TBRG1: variants seen among roughly 807,000 people sequenced by gnomAD.
The protein encoded by TBRG1 is transforming growth factor beta regulator 1, also known as nuclear interactor of ARF and MDM2.
TBRG1 carries 31 observed loss-of-function variants against 44.0 expected under a neutral mutation model. The ratio of observed to expected loss-of-function variants is 0.70; its 90% CI spans 0.53 to 0.95. The LOEUF (loss-of-function observed/expected upper bound fraction) is 0.95. TBRG1 is among the 40% of genes least tolerant of loss of function. The pLI is 0.00. For synonymous variants in TBRG1, 171 were observed against 188.1 expected, an observed-to-expected ratio of 0.91 and a Z score of 0.74; for missense variants, 487 against 496.1, an observed-to-expected ratio of 0.98 and a Z score of 0.18.
chr11:124,627,596 T>C (rs1942501662), intron 5 of TBRG1, among the ~76,000 whole-genome samples: 1 of 152,062 alleles, frequency 6.6e-6, no homozygotes, highest in Non-Finnish European at 1.5e-5. Context: ...ATTTTCGGAG[T>C]TCTAAGCTTC....
chr11:124,624,820 T>G (rs950041063), intron 1 of TBRG1, 111 bp from the exon 2 acceptor site: 1 of 728,626 alleles, frequency 1.4e-6, no homozygotes, highest in Non-Finnish European at 2.3e-6. Flanking sequence ...AATAGCTCCT[T>G]CTTCTCAGTA....
At chr11:124,623,550 C>G (rs1942389814) in intron 1 of TBRG1, 1 of 409,436 alleles carries the variant, frequency 2.4e-6, no homozygotes, top group Non-Finnish European at 4.7e-6. Context: ...GTTTGATTCT[C>G]GAGATACAGC....
chr11:124,623,018 C>T lies in TBRG1; in HGVS notation c.-66C>T, dbSNP rs1042797248. On this transcript the variant is annotated 5_prime_UTR_variant, in exon 1 of 9. Transcript: ENST00000441174. ...CCGGAACAGACAAAGCCAGCGCTCC[C>T]GCCCGCTCCCCGACTTAGGATCCGA... 12 of 1,457,802 alleles carry T rather than the reference C, an allele frequency of 8.2e-6. No homozygotes were observed. In the East Asian group the frequency reaches 1.7e-4, roughly 21 times the overall value. 90.3% of individuals were successfully genotyped at this position (1,457,802 alleles called of 1,614,324 possible).
Position 124,623,190 on chromosome 11 carries a change from T to C in TBRG1, c.107T>C (p.Leu36Pro). 6.4e-7 allele frequency: 1 copy of C among 1,551,696 alleles called. No homozygotes were observed. Among genetic ancestry groups the C allele is most frequent in the Non-Finnish European group, 8.7e-7 (1 of 1,147,004 alleles). ...AAGAGCCAGAATGAGAAGTACCGGCTGAAGTACCTGCGGCTGCGCAAAGCG... is the reference window on the plus strand; with the variant it reads ...AAGAGCCAGAATGAGAAGTACCGGCCGAAGTACCTGCGGCTGCGCAAAGCG... ...PKKSQNEKYRLKYLRLRKAAK... is the reference protein window; with the variant it reads ...PKKSQNEKYRPKYLRLRKAAK... Residue 36 changes from leucine to proline, a missense_variant, in exon 1 of 9, where the codon CTG becomes CCG. Leu to Pro is a moderately conservative substitution (Grantham distance 98, BLOSUM62 -3). Transcript: ENST00000441174.
At chr11:124,623,286 T>C in intron 1 of TBRG1, 53 bp downstream of exon 1, 2 of 1,545,544 alleles carry the variant, frequency 1.3e-6, no homozygotes, top group Non-Finnish European at 1.8e-6. Flanking sequence ...CCTCACAAAA[T>C]CTTTCCCCAA....
rs1942716370 is a variant in TBRG1, at chr11:124,635,692, A to AT, written c.*3459dup. ...AGTGATGCTTTTTGCTTTAGTTCTC[A>AT]TTTTTCACATTAAGGGGAGGAAAGC... On this transcript the variant is annotated 3_prime_UTR_variant, in exon 9 of 9. Transcript: ENST00000441174. 6.6e-6 allele frequency: 1 copy of AT among 152,164 alleles called. No homozygotes were observed. The highest frequency in any genetic ancestry group is 1.5e-5 in the Non-Finnish European group (1 of 68,022). The allele number at this position is 152,164 out of a possible 1,614,324, so 9.4% of individuals were successfully genotyped here.
Position 124,632,447 on chromosome 11 carries a change from C to T in TBRG1, c.*209C>T, listed in dbSNP as rs1565402741. The T allele has an allele frequency of 2.2e-6, 1 of 448,600 alleles. No individual in the cohort carries two copies. The highest frequency in any genetic ancestry group is 4.0e-6 in the Non-Finnish European group (1 of 251,736). The allele number at this position is 448,600 out of a possible 1,614,324, so 27.8% of individuals were successfully genotyped here. On this transcript the variant is annotated 3_prime_UTR_variant, in exon 9 of 9. Coordinates refer to ENST00000441174, the MANE Select transcript of TBRG1 (RefSeq NM_032811.3). ...AAATTTCTCTTGTCAATTCTGTTTACTTTCATCTTGTAATCGGGATGTAAT... is the reference window on the plus strand; with the variant it reads ...AAATTTCTCTTGTCAATTCTGTTTATTTTCATCTTGTAATCGGGATGTAAT...
At chr11:124,628,009 G>A (rs1314576696) in intron 5 of TBRG1, among the ~76,000 whole-genome samples, 3 of 145,888 alleles carry the variant, frequency 2.1e-5, no homozygotes, top group Non-Finnish European at 4.5e-5. Flanking sequence ...ATTTTTAGGT[G>A]TGTGAGCTAG....
intron 8 of TBRG1, 147 bp downstream of exon 8, chr11:124,631,564 G>C: frequency 3.5e-6 from 3 of 867,494 alleles, no homozygotes; most frequent in Non-Finnish European, 5.5e-6. Flanking sequence ...CTGAGTTAGA[G>C]GGGGACCTGC....
chr11:124,626,946 T>C lies in TBRG1; in HGVS notation c.634T>C (p.Tyr212His), dbSNP rs751896292. 4 of 1,605,118 alleles carry C rather than the reference T, an allele frequency of 2.5e-6. No homozygotes were observed. The highest frequency in any genetic ancestry group is 3.4e-6 in the Non-Finnish European group (4 of 1,175,276). ...TGGCTTTCATGATGAGAGTGCCATCTACCCCGTGGGCTATTGCAGTACTCG... is the reference window on the plus strand; with the variant it reads ...TGGCTTTCATGATGAGAGTGCCATCCACCCCGTGGGCTATTGCAGTACTCG... ...RPGFHDESAI[Y>H]PVGYCSTRIY... Residue 212 changes from tyrosine (Y) to histidine (H), a missense_variant, in exon 5 of 9, where the codon TAC (tyrosine) becomes CAC (histidine). Physicochemically the swap from Tyr to His is moderately conservative, Grantham distance 83 (BLOSUM62 2). Transcript: ENST00000441174.
intron 1 of TBRG1, among the ~76,000 whole-genome samples, chr11:124,624,669 T>C (rs1293661928): frequency 2.0e-5 from 3 of 152,236 alleles, no homozygotes; most frequent in African/African-American, 7.2e-5. Context: ...CACCGTATTG[T>C]TCTGGCATAA....
At position 124,635,475 on chromosome 11, in the gene TBRG1, A is replaced by G. The variant is rs1942709026; in HGVS notation, c.*3237A>G. On this transcript the variant is annotated 3_prime_UTR_variant, in exon 9 of 9. Coordinates refer to ENST00000441174, the MANE Select transcript of TBRG1 (RefSeq NM_032811.3). ...AGAACTAAAGCAAAAACCATCATTC[A>G]CCCTACAGAGTATTATAAATTTCAT... 6.6e-6 allele frequency: 1 copy of G among 152,178 alleles called. No homozygotes were observed. Among genetic ancestry groups the G allele is most frequent in the African/African-American group, 2.4e-5 (1 of 41,426 alleles). 9.4% of individuals were successfully genotyped at this position (152,178 alleles called of 1,614,324 possible). A position where few individuals can be genotyped will look rare whatever the true frequency, so the allele number is the denominator to read the frequency against.
chr11:124,631,902 C>A (rs1942622306), intron 8 of TBRG1, 191 bp from the exon 9 acceptor site: 1 of 573,916 alleles, frequency 1.7e-6, no homozygotes. Context: ...CTATATAACC[C>A]TAGGCAAGTC....
Position 124,625,868 on chromosome 11 carries a change from AAAAAG to A in TBRG1, c.424_428del (p.Glu142ArgfsTer51). On this transcript the variant is annotated frameshift_variant, in exon 3 of 9. Coordinates refer to ENST00000441174, the MANE Select transcript of TBRG1 (RefSeq NM_032811.3). LOFTEE classifies it high-confidence loss of function. ...TTTGGGAAGAAAACTAAGAAGGAGA[AAAAAG>A]AAAAAGGCAAAGAGAACAACAAACT... 6.3e-7 allele frequency: 1 copy of A among 1,577,152 alleles called. No homozygotes were observed. The highest frequency in any genetic ancestry group is 8.6e-7 in the Non-Finnish European group (1 of 1,164,068).
chr11:124,630,680 T>C (rs1000090925), intron 6 of TBRG1, 65 bp from the exon 7 acceptor site: 10 of 1,228,120 alleles, frequency 8.1e-6, no homozygotes, highest in African/African-American at 3.0e-5. Context: ...ACCACTATTC[T>C]GTTCTTAAAT....
In TBRG1 at chr11:124,630,785, T is replaced by C; in HGVS notation, c.877T>C (p.Phe293Leu). 6.2e-7 allele frequency: 1 copy of C among 1,607,622 alleles called. No homozygotes were observed. The highest frequency in any genetic ancestry group is 1.3e-5 in the African/African-American group (1 of 75,008). ...TAACCTGCTTCCAGCTGGAGCTGAC[T>C]TTTTTGGATTTTCTCATCCAGCCAT... is the stretch of plus-strand genomic sequence containing the variant. Reference protein sequence around the residue: ...MPNLLPAGADFFGFSHPAIHN... With the variant: ...MPNLLPAGADLFGFSHPAIHN... The change falls in exon 7 of 9, where the codon TTT becomes CTT. Residue 293 changes from phenylalanine (F) to leucine (L), a missense_variant. Transcript: ENST00000441174.
rs1003569106 is a variant in TBRG1 at position 124,633,036 on chromosome 11, C to A, written c.*798C>A. On this transcript the variant is annotated 3_prime_UTR_variant, in exon 9 of 9. Coordinates refer to ENST00000441174, the MANE Select transcript of TBRG1 (RefSeq NM_032811.3). ...GTCAGTATCATCAAAATCCAATGTTCTGCTTAAACTCAAGATGGAAAGTCC... is the reference window on the plus strand; with the variant it reads ...GTCAGTATCATCAAAATCCAATGTTATGCTTAAACTCAAGATGGAAAGTCC... The A allele has an allele frequency of 3.3e-5, 5 of 152,182 alleles. No individual in the cohort carries two copies. Among genetic ancestry groups the A allele is most frequent in the Admixed American group, 3.3e-4 (5 of 15,272 alleles). The allele number at this position is 152,182 out of a possible 1,614,324, so 9.4% of individuals were successfully genotyped here.
rs192263019 is a variant in TBRG1, at chr11:124,630,192, A to G, written c.739-196A>G. 139 of 532,152 alleles carry G rather than the reference A, an allele frequency of 2.6e-4. No homozygotes were observed. The East Asian group carries it at 4.3e-3, about 17-fold the overall frequency. 33.0% of individuals were successfully genotyped at this position (532,152 alleles called of 1,614,324 possible). On this transcript the variant is annotated intron_variant, in intron 5 of 8. Transcript: ENST00000441174. ...CTGTCAACCAAGAAGGGTAGAACTG[A>G]AACAGTCAAAGGACTTTCTCTAGGT...
At chr11:124,624,791 A>G (rs1347505695) in intron 1 of TBRG1, 140 bp from the exon 2 acceptor site, 4 of 640,268 alleles carry the variant, frequency 6.2e-6, no homozygotes, top group African/African-American at 1.9e-5. Context: ...GGATTTATTT[A>G]TAGTTTGTCA....
Sources: allele counts gnomAD v4.1 joint callset (sites outside exome capture counted in the v4.1 genomes callset), GRCh38; gene constraint gnomAD v4.1.1; transcripts MANE v1.5; gene names NCBI Gene and HGNC (gene_info 2026-07-23, HGNC 2026-07-21).